NLRP5: variants seen among roughly 807,000 people sequenced by gnomAD.
NLRP5 encodes NACHT, LRR and PYD domains-containing protein 5.
NLRP5 carries 93 observed loss-of-function variants against 113.1 expected under a neutral mutation model. That is an observed-to-expected ratio of 0.82 (90% CI 0.70 to 0.98). The LOEUF (loss-of-function observed/expected upper bound fraction) is 0.98. NLRP5 is among the 50% of genes least tolerant of loss of function. The pLI is 0.00. For synonymous variants in NLRP5, 751 were observed against 600.7 expected, an observed-to-expected ratio of 1.25 and a Z score of -3.66; for missense variants, 1,808 against 1,514.3, an observed-to-expected ratio of 1.19 and a Z score of -3.22.
chr19:56,003,078 C>T (rs1054811945), intron 1 of NLRP5, among the ~76,000 whole-genome samples: 1 of 150,892 alleles, frequency 6.6e-6, no homozygotes, highest in African/African-American at 2.4e-5. Context: ...ACTAGAAATA[C>T]CATTTGACCC....
At chr19:56,043,472 C>T (rs566652901) in intron 11 of NLRP5, among the ~76,000 whole-genome samples, 17 of 142,908 alleles carry the variant, frequency 1.2e-4, no homozygotes, top group South Asian at 2.3e-4. Flanking sequence ...TGTTTGAGTT[C>T]GTTGTAGACT....
chr19:56,018,561 T>A (rs1029807975), intron 4 of NLRP5: 1 of 152,230 alleles, frequency 6.6e-6, no homozygotes, highest in African/African-American at 2.4e-5. Context: ...TTATGACAAC[T>A]CACATTTGAA....
At chr19:56,037,922 A>C (rs2123319510) in intron 9 of NLRP5, 103 bp from the exon 10 acceptor site, 1 of 1,199,812 alleles carries the variant, frequency 8.3e-7, no homozygotes, top group South Asian at 1.4e-5. Flanking sequence ...ACAGAGTTCG[A>C]GGACCAGGAA....
Position 55,999,769 on chromosome 19 carries a change from T to C in NLRP5, c.44T>C (p.Leu15Pro). 2 of 1,613,584 alleles carry C rather than the reference T, an allele frequency of 1.2e-6. No individual in the cohort carries two copies. Among genetic ancestry groups the C allele is most frequent in the African/African-American group, 1.3e-5 (1 of 75,030 alleles). ...CTTGAACTTGGAGCTGCTGCTCTGCTCTCAGCATCACCACGTGCGTCGACA... is the reference window on the plus strand; with the variant it reads ...CTTGAACTTGGAGCTGCTGCTCTGCCCTCAGCATCACCACGTGCGTCGACA... The change falls in exon 1 of 15, where the codon CTC (leucine) becomes CCC (proline). Residue 15 changes from leucine to proline, a missense_variant. By Grantham distance (98) the Leu-to-Pro change is moderately conservative (BLOSUM62 -3). Transcript: ENST00000390649.
chr19:56,045,172 T>C (rs1378217265), intron 11 of NLRP5, among the ~76,000 whole-genome samples: 1 of 152,248 alleles, frequency 6.6e-6, no homozygotes, highest in Non-Finnish European at 1.5e-5. Context: ...AGTTTGACTT[T>C]CCTGACTTGG....
intron 6 of NLRP5, among the ~76,000 whole-genome samples, chr19:56,024,578 T>C (rs1482897119): frequency 3.9e-5 from 5 of 127,900 alleles, no homozygotes; most frequent in Non-Finnish European, 8.6e-5. Flanking sequence ...TACACATATA[T>C]ATACATACAC....
chr19:56,007,630 G>GT (rs111430179), intron 2 of NLRP5, among the ~76,000 whole-genome samples: 3 of 151,270 alleles, frequency 2.0e-5, no homozygotes, highest in African/African-American at 7.4e-5. Flanking sequence ...GAAAATACTT[G>GT]TAATAGCAAG....
chr19:56,061,578 A>G lies in NLRP5; in HGVS notation c.*50A>G, dbSNP rs760209034. 58 of 1,607,242 alleles carry G rather than the reference A, an allele frequency of 3.6e-5. No homozygotes were observed. In the Middle Eastern group the frequency reaches 5.0e-4, roughly 14 times the overall value. On this transcript the variant is annotated 3_prime_UTR_variant, in exon 15 of 15. Coordinates refer to ENST00000390649, the MANE Select transcript of NLRP5 (RefSeq NM_153447.4). ...CACCCATCTGATGGAGGAACTTTAA[A>G]CGCTGTTTTCTCAGAGCAAGCTATG...
intron 11 of NLRP5, among the ~76,000 whole-genome samples, chr19:56,048,791 A>G (rs1441857446): frequency 1.3e-5 from 2 of 151,936 alleles, no homozygotes; most frequent in African/African-American, 2.4e-5. Context: ...AGTTTTCCTC[A>G]ATTATGCACC....
In NLRP5 at chr19:56,020,502, T is replaced by A. The variant is rs1202571676; in HGVS notation, c.679+71T>A. The A allele has an allele frequency of 3.7e-5, 55 of 1,497,932 alleles. 1 individual carries two copies. In the South Asian group the frequency reaches 5.9e-4, roughly 16 times the overall value. 92.8% of individuals were successfully genotyped at this position (1,497,932 alleles called of 1,614,324 possible). On this transcript the variant is annotated intron_variant, in intron 6 of 14. Transcript: ENST00000390649. Reference sequence around the variant, plus strand: ...TTGGGTGAAAGAAGTGTAAGTAGTTTAGATTTCAAGGGTATGTAGTTTAGA... The same window carrying A: ...TTGGGTGAAAGAAGTGTAAGTAGTTAAGATTTCAAGGGTATGTAGTTTAGA...
At chr19:55,988,157 C>G in the NLRP5 span, 2 of 283,318 alleles carry the variant, frequency 7.1e-6, no homozygotes, top group South Asian at 1.1e-4. Flanking sequence ...TATGGGAGGT[C>G]GAGGTGGGCA....
chr19:56,043,600 C>G (rs1397057744), intron 11 of NLRP5, among the ~76,000 whole-genome samples: 1 of 125,126 alleles, frequency 8.0e-6, no homozygotes, highest in Non-Finnish European at 1.6e-5. Context: ...GAGTCTCGCT[C>G]TGTCGCCCAG....
Position 56,061,583 on chromosome 19 carries a change from G to C in NLRP5, c.*55G>C, listed in dbSNP as rs929594675. On this transcript the variant is annotated 3_prime_UTR_variant, in exon 15 of 15. Coordinates refer to ENST00000390649, the MANE Select transcript of NLRP5 (RefSeq NM_153447.4). ...ATCTGATGGAGGAACTTTAAACGCT[G>C]TTTTCTCAGAGCAAGCTATGCACCT... is the stretch of plus-strand genomic sequence containing the variant. 1.3e-5 allele frequency: 21 copies of C among 1,601,472 alleles called. No homozygotes were observed. Among genetic ancestry groups the C allele is most frequent in the Non-Finnish European group, 1.7e-5 (20 of 1,170,758 alleles).
chr19:56,040,060 C>T (rs1983462682), intron 10 of NLRP5, among the ~76,000 whole-genome samples: 4 of 152,250 alleles, frequency 2.6e-5, no homozygotes, highest in Admixed American at 2.6e-4. Flanking sequence ...CAGGGATCCT[C>T]CTGCCTCAGC....
At chr19:56,042,063 G>A (rs1053213667) in intron 11 of NLRP5, among the ~76,000 whole-genome samples, 1 of 152,182 alleles carries the variant, frequency 6.6e-6, no homozygotes, top group Non-Finnish European at 1.5e-5. Context: ...AATCAGTTCA[G>A]CCTCCACTGG....
At chr19:56,028,985 G>T (rs1249833303) in intron 7 of NLRP5, among the ~76,000 whole-genome samples, 1 of 152,048 alleles carries the variant, frequency 6.6e-6, no homozygotes, top group African/African-American at 2.4e-5. Context: ...GGCTGGTCTC[G>T]AACTCCTGAC....
intron 6 of NLRP5, among the ~76,000 whole-genome samples, chr19:56,025,069 CTGA>C (rs1485633612): frequency 6.6e-6 from 1 of 151,922 alleles, no homozygotes; most frequent in Non-Finnish European, 1.5e-5. Context: ...AATCTAATGC[CTGA>C]TGATCTGTCA....
intron 6 of NLRP5, among the ~76,000 whole-genome samples, chr19:56,022,595 T>A (rs1033567230): frequency 6.6e-6 from 1 of 152,214 alleles, no homozygotes; most frequent in Non-Finnish European, 1.5e-5. Flanking sequence ...ATTAAATTTA[T>A]GTAAAACAAG....
Position 56,007,249 on chromosome 19 carries a change from A to G in NLRP5, c.443-1539A>G, listed in dbSNP as rs1024766608. Among the ~76,000 whole-genome samples the G allele has an allele frequency of 2.3e-3, 342 of 151,232 alleles. 17 individuals are homozygous for G. The highest frequency in any genetic ancestry group is 8.0e-3 in the African/African-American group (324 of 40,700). Reference sequence around the variant, plus strand: ...TGTAGTGGCAGGCACCTGTAATCCCAGCTACTAGGTAGGCTGAGGCAGGAG... The same window carrying G: ...TGTAGTGGCAGGCACCTGTAATCCCGGCTACTAGGTAGGCTGAGGCAGGAG... On this transcript the variant is annotated intron_variant, in intron 2 of 14. Coordinates refer to ENST00000390649, the MANE Select transcript of NLRP5 (RefSeq NM_153447.4).
Sources: allele counts gnomAD v4.1 joint callset (sites outside exome capture counted in the v4.1 genomes callset), GRCh38; gene constraint gnomAD v4.1.1; transcripts MANE v1.5; gene names NCBI Gene and HGNC (gene_info 2026-07-23, HGNC 2026-07-21).